Variants in PKHD1 observed in about 807,000 individuals in gnomAD.
The protein encoded by PKHD1 is PKHD1 ciliary IPT domain containing fibrocystin/polyductin, also known as fibrocystin.
In PKHD1, 291 loss-of-function variants were observed where a neutral mutation model predicts 412.0. That is an observed-to-expected ratio of 0.71 (90% CI 0.64 to 0.78). The LOEUF (loss-of-function observed/expected upper bound fraction) is 0.78, where lower values mean the gene tolerates loss of function less well. Among genes scored for constraint, PKHD1 ranks in the 30% least tolerant of loss-of-function variants. The probability of loss-of-function intolerance (pLI) is 0.00; values close to 1 mark genes in which losing one functional copy is unlikely to be tolerated. For missense variants in PKHD1, 4,825 were observed against 4,950.7 expected, an observed-to-expected ratio of 0.97 and a Z score of 0.76; for synonymous variants, 1,777 against 1,821.5, an observed-to-expected ratio of 0.98 and a Z score of 0.62.
At chr6:51,741,045 TATG>T (rs1784487755) in intron 60 of PKHD1, 1 of 515,678 alleles carries the variant, frequency 1.9e-6, no homozygotes, top group South Asian at 1.4e-5. Context: ...TCGTGTGTAA[TATG>T]ATATTACTCA....
chr6:52,003,530 C>A (rs570169297), intron 35 of PKHD1, among the ~76,000 whole-genome samples: 49 of 152,234 alleles, frequency 3.2e-4, no homozygotes, highest in Non-Finnish European at 5.9e-4. Flanking sequence ...TCCTTAACCC[C>A]CCAAAATCTG....
intron 33 of PKHD1, 63 bp downstream of exon 33, chr6:52,022,738 A>G: frequency 6.5e-7 from 1 of 1,547,054 alleles, no homozygotes; most frequent in Non-Finnish European, 8.9e-7. Flanking sequence ...AAATAGAATT[A>G]ACCAAAGAAT....
chr6:51,774,208 C>A (rs1790623421), intron 54 of PKHD1, among the ~76,000 whole-genome samples: 1 of 151,922 alleles, frequency 6.6e-6, no homozygotes, highest in Non-Finnish European at 1.5e-5. Flanking sequence ...AAAATGACAC[C>A]ATTTCTTAGT....
Position 51,893,732 on chromosome 6 carries a change from G to A in PKHD1, c.6997-6487C>T, listed in dbSNP as rs141630772. Among the ~76,000 whole-genome samples the A allele has an allele frequency of 1.3e-3, 191 of 152,008 alleles. 1 individual carries two copies. Among genetic ancestry groups the A allele is most frequent in the Middle Eastern group, 0.01 (3 of 292 alleles). ...TGCCCAAGTAAGCCAGCTCCTTGAG[G>A]TGTACATCTATAGTCACTAGAAAAA... On this transcript the variant is annotated intron_variant, in intron 43 of 66. Coordinates refer to ENST00000371117, the MANE Select transcript of PKHD1 (RefSeq NM_138694.4).
chr6:51,753,793 T>C (rs113349864), intron 56 of PKHD1, among the ~76,000 whole-genome samples: 31 of 152,166 alleles, frequency 2.0e-4, no homozygotes, highest in African/African-American at 7.2e-4. Flanking sequence ...AGCAGCTGTG[T>C]GTAAAAGGAA....
In PKHD1 at chr6:52,059,930, T is replaced by C. The variant is rs948454151; in HGVS notation, c.1231A>G (p.Lys411Glu). The C allele has an allele frequency of 7.2e-7, 1 of 1,394,496 alleles. No homozygotes were observed. 86.4% of individuals were successfully genotyped at this position (1,394,496 alleles called of 1,614,324 possible). The stretch of plus-strand genomic sequence containing the variant: ...GAAAATGAGAAGACAGTGAATACCT[T>C]AGTCCTTGGTTCCTCTGACCAACTG... Reference protein sequence around the residue: ...HFSWSEEPRTKVKVASISVGT... With the variant: ...HFSWSEEPRTEVKVASISVGT... Residue 411 changes from lysine (K) to glutamate (E), a missense_variant and splice_region_variant, in exon 15 of 67, where the codon AAG becomes GAG. Physicochemically the swap from Lys to Glu is moderately conservative, Grantham distance 56. Transcript: ENST00000371117.
intron 35 of PKHD1, among the ~76,000 whole-genome samples, chr6:51,992,237 T>G (rs575742368): frequency 1.8e-4 from 27 of 152,308 alleles, no homozygotes; most frequent in South Asian, 4.1e-4. Context: ...CCCATTATTA[T>G]TAGTAGTAGT....
At chr6:52,054,253 A>C (rs1581983008) in intron 19 of PKHD1, 88 bp from the exon 20 acceptor site, 73 of 1,277,242 alleles carry the variant, frequency 5.7e-5, no homozygotes, top group African/African-American at 2.9e-5. Context: ...CATCCCTAGA[A>C]CCCTGCCATA....
chr6:51,618,921 T>C lies in PKHD1; in HGVS notation c.*160A>G. The stretch of plus-strand genomic sequence containing the variant: ...GAGACATTTTTCAGTCTGTAAGCAT[T>C]TATATGACTGTTTTCCATTTTAAAG... On this transcript the variant is annotated 3_prime_UTR_variant, in exon 67 of 67. Transcript: ENST00000371117. 1 of 718,308 alleles carries C rather than the reference T, an allele frequency of 1.4e-6. No homozygotes were observed. The highest frequency in any genetic ancestry group is 1.7e-5 in the African/African-American group (1 of 57,304). 44.5% of individuals were successfully genotyped at this position (718,308 alleles called of 1,614,324 possible).
chr6:51,974,705 A>G (rs1794133481), intron 35 of PKHD1, among the ~76,000 whole-genome samples: 1 of 152,178 alleles, frequency 6.6e-6, no homozygotes. Flanking sequence ...GACTTGGGGA[A>G]AAGGGTGGGA....
chr6:52,083,553 G>T (rs1387442119), intron 2 of PKHD1, among the ~76,000 whole-genome samples: 3 of 152,100 alleles, frequency 2.0e-5, no homozygotes, highest in Non-Finnish European at 4.4e-5. Context: ...CACTCATCAG[G>T]ACAATTCTGA....
intron 16 of PKHD1, 59 bp from the exon 17 acceptor site, chr6:52,057,038 T>G (rs1354915994): frequency 9.1e-7 from 1 of 1,104,690 alleles, no homozygotes; most frequent in Non-Finnish European, 1.4e-6. Context: ...AGAGAGACAA[T>G]CTAAGAACAC....
In PKHD1 at chr6:51,975,641, A is replaced by AAAAC. The variant is rs1349208293; in HGVS notation, c.5752-15616_5752-15615insGTTT. On this transcript the variant is annotated intron_variant, in intron 35 of 66. Transcript: ENST00000371117. ...CTATCAGCCATAAAAAAAAAAAAAA[A>AAAAC]CAAAAAGAAAAAGAAAGTGAAGTGC... 6.1e-5 allele frequency: 9 copies of AAAAC among 148,536 alleles called. No individual in the cohort carries two copies. In the East Asian group the frequency reaches 1.6e-3, roughly 26 times the overall value. The allele number at this position is 148,536 out of a possible 1,614,324, so 9.2% of individuals were successfully genotyped here. A position where few individuals can be genotyped will look rare whatever the true frequency, so the allele number is the denominator to read the frequency against.
At chr6:51,653,433 C>G (rs577136458) in intron 61 of PKHD1, among the ~76,000 whole-genome samples, 7 of 152,168 alleles carry the variant, frequency 4.6e-5, no homozygotes, top group African/African-American at 1.7e-4. Flanking sequence ...GTTATAGTAA[C>G]ACTTGCCAAA....
Position 52,042,838 on chromosome 6 carries a change from G to A in PKHD1, c.3097+21C>T. ...CTAGCTTCAGAGGGTCAGACATACT[G>A]TGAGACCCTCCCCAGATTACCAATA... is the stretch of plus-strand genomic sequence containing the variant. On this transcript the variant is annotated intron_variant, in intron 27 of 66. Transcript: ENST00000371117. 4 of 1,610,888 alleles carry A rather than the reference G, an allele frequency of 2.5e-6. No individual in the cohort carries two copies. In the South Asian group the frequency reaches 4.4e-5, roughly 18 times the overall value.
chr6:51,766,103 CT>C (rs1375087439), intron 55 of PKHD1, among the ~76,000 whole-genome samples: 30 of 152,202 alleles, frequency 2.0e-4, no homozygotes, highest in African/African-American at 6.3e-4. Flanking sequence ...TGAGTTTTTA[CT>C]TAATATTATA....
At chr6:51,740,113 C>G (rs1056401818) in intron 60 of PKHD1, 2 of 481,540 alleles carry the variant, frequency 4.2e-6, no homozygotes, top group African/African-American at 3.9e-5. Flanking sequence ...AGAAGATCAC[C>G]TGCTTGGCAT....
At chr6:51,911,977 A>G in intron 38 of PKHD1, 21 bp from the exon 39 acceptor site, 2 of 1,595,754 alleles carry the variant, frequency 1.3e-6, no homozygotes, top group Non-Finnish European at 1.7e-6. Flanking sequence ...AAAGAGGATG[A>G]TAGAACTGAG....
chr6:51,735,571 T>C (rs1338249693), intron 60 of PKHD1, among the ~76,000 whole-genome samples: 4 of 152,118 alleles, frequency 2.6e-5, no homozygotes, highest in African/African-American at 9.7e-5. Flanking sequence ...CACTGAAGAA[T>C]ATAAAGAAAG....
Sources: allele counts gnomAD v4.1 joint callset (sites outside exome capture counted in the v4.1 genomes callset), GRCh38; gene constraint gnomAD v4.1.1; transcripts MANE v1.5; gene names NCBI Gene and HGNC (gene_info 2026-07-23, HGNC 2026-07-21).